Variants in MICB observed in about 807,000 individuals in gnomAD.
MICB encodes MHC class I antigen-related protein B.
Under a neutral mutation model 34.3 loss-of-function variants are expected in MICB, and 27 were observed. The observed-to-expected ratio is 0.79, with a 90% confidence interval of 0.58 to 1.08. The LOEUF (loss-of-function observed/expected upper bound fraction) is 1.08, where lower values mean the gene tolerates loss of function less well. Among genes scored for constraint, MICB ranks in the 50% least tolerant of loss-of-function variants. The pLI is 0.00. For missense variants in MICB, 426 were observed against 483.1 expected, an observed-to-expected ratio of 0.88 and a Z score of 1.11; for synonymous variants, 153 against 187.4, an observed-to-expected ratio of 0.82 and a Z score of 1.50.
At position 31,510,977 on chromosome 6, in the gene MICB, A is replaced by G. The variant is rs1052878599; in HGVS notation, c.*1068A>G. 3.3e-5 allele frequency: 5 copies of G among 152,298 alleles called. No individual in the cohort carries two copies. The highest frequency in any genetic ancestry group is 1.2e-4 in the African/African-American group (5 of 41,566). The allele number at this position is 152,298 out of a possible 1,614,324, so 9.4% of individuals were successfully genotyped here. ...TCATGGGTGAACTTTATGAGTGAGT[A>G]TCTTGGTGATGACTCCTCCTGACCA... On this transcript the variant is annotated 3_prime_UTR_variant, in exon 6 of 6. Transcript: ENST00000252229.
At chr6:31,504,216 C>CT (rs1765159093) in intron 1 of MICB, among the ~76,000 whole-genome samples, 1 of 128,064 alleles carries the variant, frequency 7.8e-6, no homozygotes, top group African/African-American at 2.9e-5. Context: ...TTTTGTCAAA[C>CT]TTTTTTGCAT....
Position 31,507,851 on chromosome 6 carries a change from G to A in MICB, c.1024+320G>A, listed in dbSNP as rs4959077. On this transcript the variant is annotated intron_variant, in intron 5 of 5. Transcript: ENST00000252229. The surrounding 1 kb of genome is among the most constrained non-coding windows in gnomAD (Gnocchi z 6.0). ...CTGTCTCTCGGGCTCACTAGGGTGC[G>A]TCCAGGTGGGGTGAGTTGGGAATCA... Among the ~76,000 whole-genome samples, 5,114 of 151,230 alleles carry A rather than the reference G, an allele frequency of 0.034. 89 individuals are homozygous for A. The highest frequency in any genetic ancestry group is 0.058 in the South Asian group (281 of 4,804).
At chr6:31,498,446 CTTTTTTTTTTTTTTTTTT>C (rs9279321) in intron 1 of MICB, among the ~76,000 whole-genome samples, 183 bp downstream of exon 1, 15 of 89,262 alleles carry the variant, frequency 1.7e-4, no homozygotes, top group Admixed American at 4.7e-4. Flanking sequence ...TCTCCCGTCT[CTTTTTTTTTTTTTTTTTT>C]TTTTTTTTTT....
At position 31,503,949 on chromosome 6, in the gene MICB, C is replaced by CTGTTTGTGTGTGTGTGTGTG. The variant is rs28751333; in HGVS notation, c.71-1665_71-1664insTTGTGTGTGTGTGTGTGTGT. 6.5e-3 allele frequency among the ~76,000 whole-genome samples: 632 copies of CTGTTTGTGTGTGTGTGTGTG among 97,572 alleles called. 8 individuals carry two copies. The highest frequency in any genetic ancestry group is 0.017 in the African/African-American group (427 of 25,284). The allele number at this position is 97,572 out of a possible 152,430, so 64.0% of individuals were successfully genotyped here. A position where few individuals can be genotyped will look rare whatever the true frequency, so the allele number is the denominator to read the frequency against. On this transcript the variant is annotated intron_variant, in intron 1 of 5. Transcript: ENST00000252229. ...TTTCTCTACCTCCTTGCCAAACTTG[C>CTGTTTGTGTGTGTGTGTGTG]TGTGTGTGTGTGTGTGTGTGTGTGT...
chr6:31,496,358 C>CTTTT (rs1171767013), upstream of MICB, among the ~76,000 whole-genome samples: 1 of 114,856 alleles, frequency 8.7e-6, no homozygotes, highest in South Asian at 3.3e-4. Context: ...GATTTTCTTC[C>CTTTT]TTTTTTTCTT....
At chr6:31,506,521 C>G (rs1765340718) in intron 3 of MICB, 91 bp downstream of exon 3, 1 of 1,399,948 alleles carries the variant, frequency 7.1e-7, no homozygotes, top group Non-Finnish European at 9.7e-7. Flanking sequence ...CCTCCCTGTG[C>G]TATGGATGCA....
chr6:31,498,511 A>C, intron 1 of MICB: 1 of 195,246 alleles, frequency 5.1e-6, no homozygotes, highest in Non-Finnish European at 9.6e-6. Flanking sequence ...TCTGTCGCCT[A>C]GGCTGTAGTG....
At chr6:31,509,199 G>T (rs1765522327) in intron 5 of MICB, among the ~76,000 whole-genome samples, 1 of 152,196 alleles carries the variant, frequency 6.6e-6, no homozygotes, top group Non-Finnish European at 1.5e-5. Context: ...CTCGAGCAAG[G>T]TGGGGGGTCC....
intron 1 of MICB, among the ~76,000 whole-genome samples, chr6:31,505,387 C>T (rs528577914): frequency 6.6e-6 from 1 of 152,230 alleles, no homozygotes; most frequent in Non-Finnish European, 1.5e-5. Context: ...AGTCCTGGCA[C>T]CTGACCTACA....
upstream of MICB, among the ~76,000 whole-genome samples, chr6:31,497,145 T>A (rs1764710623): frequency 5.9e-5 from 9 of 152,228 alleles, no homozygotes; most frequent in South Asian, 1.9e-3. Context: ...GGGGAAAGCC[T>A]AGACTAAGAC....
Position 31,507,638 on chromosome 6 carries a change from C to G in MICB, c.1024+107C>G. Reference sequence around the variant, plus strand: ...GACGTAGGTGACAAGGCTGCTGGGACAGGGGATGGAAGCTGGGGTATTTGG... The same window carrying G: ...GACGTAGGTGACAAGGCTGCTGGGAGAGGGGATGGAAGCTGGGGTATTTGG... On this transcript the variant is annotated intron_variant, in intron 5 of 5. Coordinates refer to ENST00000252229, the MANE Select transcript of MICB (RefSeq NM_005931.5). This position sits in a 1 kb window ranked among gnomAD's most constrained non-coding sequence, Gnocchi z 6.0. The G allele has an allele frequency of 7.5e-7, 1 of 1,337,724 alleles. No homozygotes were observed. Among genetic ancestry groups the G allele is most frequent in the South Asian group, 1.3e-5 (1 of 76,196 alleles). The allele number at this position is 1,337,724 out of a possible 1,614,324, so 82.9% of individuals were successfully genotyped here.
chr6:31,506,231 G>C lies in MICB; in HGVS notation c.414G>C (p.Glu138Asp), dbSNP rs756277146. The change falls in exon 3 of 6, where the codon GAG becomes GAC. Residue 138 changes from glutamate (E) to aspartate (D), a missense_variant. Physicochemically the swap from Glu to Asp is conservative, Grantham distance 45. Transcript: ENST00000252229. ...CCCGGCATTTCTACTACGATGGGGA[G>C]CTCTTCCTCTCCCAAAACCTGGAGA... ...RGSRHFYYDG[E>D]LFLSQNLETQ... 5 of 1,614,076 alleles carry C rather than the reference G, an allele frequency of 3.1e-6. No individual in the cohort carries two copies. The African/African-American group carries it at 5.3e-5, about 17-fold the overall frequency.
intron 5 of MICB, among the ~76,000 whole-genome samples, chr6:31,509,176 G>C (rs887562199): frequency 6.6e-6 from 1 of 152,232 alleles, no homozygotes; most frequent in Non-Finnish European, 1.5e-5. Context: ...AAGGTCATGG[G>C]AGGCCAGGCC....
At position 31,507,395 on chromosome 6, in the gene MICB, T is replaced by C. The variant is rs1214100299; in HGVS notation, c.893-5T>C. 1.2e-6 allele frequency: 2 copies of C among 1,614,048 alleles called. No homozygotes were observed. Among genetic ancestry groups the C allele is most frequent in the South Asian group, 1.1e-5 (1 of 91,078 alleles). ...CCCAGTGTATAACAAGTCCCTTTTT[T>C]TCAGGGAAGGCGCTGGTGCTTCAGA... On this transcript the variant is annotated splice_polypyrimidine_tract_variant and splice_region_variant and intron_variant, in intron 4 of 5. Transcript: ENST00000252229. The surrounding 1 kb of genome is among the most constrained non-coding windows in gnomAD (Gnocchi z 6.0).
chr6:31,504,346 G>A (rs2534660), intron 1 of MICB, among the ~76,000 whole-genome samples: 46,365 of 136,418 alleles, frequency 0.34, 7,548 homozygotes, highest in Middle Eastern at 0.43. Flanking sequence ...TGCAAGCTCC[G>A]CCCGCTAGCT....
intron 5 of MICB, among the ~76,000 whole-genome samples, chr6:31,508,545 C>G (rs1765483858): frequency 6.6e-6 from 1 of 152,122 alleles, no homozygotes; most frequent in Admixed American, 6.5e-5. Context: ...GTCCCCTGCC[C>G]TGCAGCAAGA....
chr6:31,496,461 G>C (rs1764669867), upstream of MICB, among the ~76,000 whole-genome samples: 1 of 148,898 alleles, frequency 6.7e-6, no homozygotes, highest in Non-Finnish European at 1.5e-5. Flanking sequence ...CCGCCTCCCG[G>C]GTTGACCCCA....
intron 2 of MICB, 125 bp from the exon 3 acceptor site, chr6:31,506,018 G>A: frequency 1.1e-5 from 16 of 1,479,254 alleles, no homozygotes; most frequent in Non-Finnish European, 1.4e-5. Context: ...TGGTGAGCCG[G>A]AACTCAGCCC....
At chr6:31,501,746 A>G (rs1468518283) in intron 1 of MICB, among the ~76,000 whole-genome samples, 1 of 152,112 alleles carries the variant, frequency 6.6e-6, no homozygotes, top group Non-Finnish European at 1.5e-5. Context: ...CACTGTAGAT[A>G]TATGGATTTG....
Sources: allele counts gnomAD v4.1 joint callset (sites outside exome capture counted in the v4.1 genomes callset), GRCh38; gene constraint gnomAD v4.1.1; non-coding constraint Gnocchi (gnomAD v3.1); transcripts MANE v1.5; gene names NCBI Gene and HGNC (gene_info 2026-07-23, HGNC 2026-07-21).